The following RAB33B variants were observed in gnomAD, a reference collection of about 807,000 sequenced individuals.
RAB33B encodes RAB33B, member RAS oncogene family, also known as ras-related protein Rab-33B.
Under a neutral mutation model 15.0 loss-of-function variants are expected in RAB33B, and 6 were observed. The observed-to-expected ratio is 0.40, with a 90% CI of 0.22 to 0.79. The LOEUF is 0.79. Ranked by LOEUF, RAB33B falls within the 30% of genes least tolerant of loss-of-function variation. RAB33B has a pLI of 0.37. For missense variants in RAB33B, 257 were observed against 296.4 expected, an observed-to-expected ratio of 0.87 and a Z score of 0.98; for synonymous variants, 117 against 108.3, an observed-to-expected ratio of 1.08 and a Z score of -0.50.
chr4:139,462,255 G>C (rs1750188059), intron 1 of RAB33B, among the ~76,000 whole-genome samples: 1 of 151,756 alleles, frequency 6.6e-6, no homozygotes, highest in Non-Finnish European at 1.5e-5. Context: ...GGGTTTCACT[G>C]TGTTAGCCAG....
At chr4:139,466,066 A>G (rs1173899345) in intron 1 of RAB33B, among the ~76,000 whole-genome samples, 1 of 152,106 alleles carries the variant, frequency 6.6e-6, no homozygotes, top group Admixed American at 6.6e-5. Context: ...GCTGGTTTCA[A>G]ACTCCTGAGC....
intron 1 of RAB33B, among the ~76,000 whole-genome samples, chr4:139,459,883 G>T (rs948772620): frequency 7.9e-5 from 12 of 151,996 alleles, no homozygotes; most frequent in African/African-American, 2.9e-4. Context: ...CTGCCGCCTC[G>T]GCCTCCCAAA....
the RAB33B span, among the ~76,000 whole-genome samples, chr4:139,448,198 G>C: frequency 6.6e-6 from 1 of 152,114 alleles, no homozygotes; most frequent in Non-Finnish European, 1.5e-5. Context: ...AAATGGTCCA[G>C]ACCCTTCAGA....
upstream of RAB33B, chr4:139,453,998 G>GGGGC: frequency 2.0e-6 from 1 of 492,602 alleles, no homozygotes; most frequent in Non-Finnish European, 3.3e-6. Flanking sequence ...TCCGTGCGGC[G>GGGGC]GGGCGGGCGG....
chr4:139,454,234 T>C lies in RAB33B; in HGVS notation c.39T>C (p.Phe13=). The C allele has an allele frequency of 6.2e-7, 1 of 1,614,036 alleles. No individual in the cohort carries two copies. The highest frequency in any genetic ancestry group is 8.5e-7 in the Non-Finnish European group (1 of 1,179,964). Residue 13 remains phenylalanine (F), a synonymous_variant, in exon 1 of 2, where the codon TTT becomes TTC. Transcript: ENST00000305626. ...TGGAGTCGTCGCTCGAGGCAAGCTTTTCGTCCAGCGGGGCAGTGTCAGGGG... is the reference window on the plus strand; with the variant it reads ...TGGAGTCGTCGCTCGAGGCAAGCTTCTCGTCCAGCGGGGCAGTGTCAGGGG... The part of the protein sequence containing the change: ...EEMESSLEAS[F]SSSGAVSGAS...
rs748718122 is a variant in RAB33B at position 139,454,148 on chromosome 4, C to T, written c.-48C>T. On this transcript the variant is annotated 5_prime_UTR_variant, in exon 1 of 2. Transcript: ENST00000305626. ...TCTTGCGGTGGCGTAATCTCTCAGC[C>T]TTTCTGTGTCTCCTTTCCTCCGCCT... 1.7e-5 allele frequency: 27 copies of T among 1,566,380 alleles called. No homozygotes were observed. In the Admixed American group the frequency reaches 3.8e-4, roughly 22 times the overall value.
intron 1 of RAB33B, among the ~76,000 whole-genome samples, chr4:139,458,296 C>T (rs1176600037): frequency 6.6e-6 from 1 of 151,480 alleles, no homozygotes; most frequent in Non-Finnish European, 1.5e-5. Flanking sequence ...TTTTTTTTAA[C>T]ACGTTTATTT....
chr4:139,464,548 C>G (rs1750242962), intron 1 of RAB33B, among the ~76,000 whole-genome samples: 1 of 152,044 alleles, frequency 6.6e-6, no homozygotes, highest in African/African-American at 2.4e-5. Flanking sequence ...TTCCCCTAAC[C>G]CCATGACAGG....
chr4:139,453,677 G>A (rs1173863496), upstream of RAB33B: 1 of 152,448 alleles, frequency 6.6e-6, no homozygotes, highest in Non-Finnish European at 1.5e-5. Flanking sequence ...CGTCGGCTCC[G>A]TCCTTACCGT....
upstream of RAB33B, chr4:139,451,213 T>G (rs2111062379): frequency 6.6e-6 from 1 of 152,058 alleles, no homozygotes; most frequent in South Asian, 2.1e-4. Context: ...TACTTTTATG[T>G]TTTAGAGATG....
intron 1 of RAB33B, among the ~76,000 whole-genome samples, chr4:139,472,481 G>A (rs1030019035): frequency 6.6e-6 from 1 of 152,042 alleles, no homozygotes; most frequent in African/African-American, 2.4e-5. Context: ...TATTAGTTCC[G>A]ACACTTGTAT....
At chr4:139,469,040 T>C (rs569304152) in intron 1 of RAB33B, among the ~76,000 whole-genome samples, 1 of 152,156 alleles carries the variant, frequency 6.6e-6, no homozygotes, top group African/African-American at 2.4e-5. Context: ...TCAGGTAGTC[T>C]TCTTTGGGTT....
chr4:139,465,204 T>C (rs1242289252), intron 1 of RAB33B, among the ~76,000 whole-genome samples: 3 of 152,252 alleles, frequency 2.0e-5, no homozygotes, highest in Non-Finnish European at 2.9e-5. Context: ...GAAGTGTCTG[T>C]TCATGTCCTT....
chr4:139,454,110 G>T (rs1436007732), upstream of RAB33B: 1 of 1,471,326 alleles, frequency 6.8e-7, no homozygotes, highest in Non-Finnish European at 9.1e-7. Flanking sequence ...GAACTGGCCG[G>T]CTGGGCGCGC....
chr4:139,446,166 G>A, the RAB33B span, among the ~76,000 whole-genome samples: 1 of 152,116 alleles, frequency 6.6e-6, no homozygotes, highest in Non-Finnish European at 1.5e-5. Context: ...AAATGCCCAC[G>A]GTCTCCACTC....
the RAB33B span, among the ~76,000 whole-genome samples, chr4:139,443,776 G>A: frequency 6.6e-6 from 1 of 152,282 alleles, no homozygotes; most frequent in African/African-American, 2.4e-5. Context: ...ATCCCGGGTA[G>A]CAAGTAGCGG....
chr4:139,446,426 A>G, the RAB33B span, among the ~76,000 whole-genome samples: 3 of 152,230 alleles, frequency 2.0e-5, no homozygotes, highest in Admixed American at 1.3e-4. Flanking sequence ...TGCACTTTGT[A>G]TGGAAGGAGA....
At position 139,474,390 on chromosome 4, in the gene RAB33B, G is replaced by A. The variant is rs180999779; in HGVS notation, c.*1264G>A. The stretch of plus-strand genomic sequence containing the variant: ...AACATAGCTTCTAGCTAACACAGGA[G>A]ACCTATTCTTAGCCTTTACTAATTT... On this transcript the variant is annotated 3_prime_UTR_variant, in exon 2 of 2. Coordinates refer to ENST00000305626, the MANE Select transcript of RAB33B (RefSeq NM_031296.3). The A allele has an allele frequency of 7.2e-5, 11 of 152,284 alleles. No individual in the cohort carries two copies. The highest frequency in any genetic ancestry group is 2.0e-4 in the Admixed American group (3 of 15,300). The allele number at this position is 152,284 out of a possible 1,614,324, so 9.4% of individuals were successfully genotyped here. A position where few individuals can be genotyped will look rare whatever the true frequency, so the allele number is the denominator to read the frequency against.
At position 139,474,877 on chromosome 4, in the gene RAB33B, G is replaced by T. The variant is rs114169513; in HGVS notation, c.*1751G>T. 4.6e-3 allele frequency: 698 copies of T among 152,614 alleles called. 6 individuals are homozygous for T. The highest frequency in any genetic ancestry group is 8.5e-3 in the Non-Finnish European group (579 of 67,948). 9.5% of individuals were successfully genotyped at this position (152,614 alleles called of 1,614,324 possible). ...AATTTTGGAGGAAATTAAGCCAAAT[G>T]ATTATTGTACTACAGTATTTTCAGA... On this transcript the variant is annotated 3_prime_UTR_variant, in exon 2 of 2. Coordinates refer to ENST00000305626, the MANE Select transcript of RAB33B (RefSeq NM_031296.3).
Sources: allele counts gnomAD v4.1 joint callset (sites outside exome capture counted in the v4.1 genomes callset), GRCh38; gene constraint gnomAD v4.1.1; transcripts MANE v1.5; gene names NCBI Gene and HGNC (gene_info 2026-07-23, HGNC 2026-07-21).